Variants in SMC2 observed in about 807,000 individuals in gnomAD.
SMC2 encodes the protein structural maintenance of chromosomes 2, also known as structural maintenance of chromosomes protein 2.
Under a neutral mutation model 142.6 loss-of-function variants are expected in SMC2, and 41 were observed. The ratio of observed to expected loss-of-function variants is 0.29; its 90% CI spans 0.22 to 0.37. The LOEUF (loss-of-function observed/expected upper bound fraction) is 0.37, where lower values mean the gene tolerates loss of function less well. Ranked by LOEUF, SMC2 falls within the 10% of genes least tolerant of loss-of-function variation. The probability of loss-of-function intolerance (pLI) is 1.00; values close to 1 mark genes in which losing one functional copy is unlikely to be tolerated. For synonymous variants in SMC2, 463 were observed against 457.5 expected, an observed-to-expected ratio of 1.01 and a Z score of -0.15; for missense variants, 1,265 against 1,373.7, an observed-to-expected ratio of 0.92 and a Z score of 1.25.
At chr9:104,121,837 G>A (rs1007843430) in intron 16 of SMC2, among the ~76,000 whole-genome samples, 2 of 152,054 alleles carry the variant, frequency 1.3e-5, no homozygotes, top group Non-Finnish European at 2.9e-5. Flanking sequence ...CTGGAGTGCA[G>A]TGGCCCGATC....
In SMC2 at chr9:104,116,292, A is replaced by C. The variant is rs369894976; in HGVS notation, c.1764A>C (p.Pro588=). The C allele has an allele frequency of 1.3e-4, 214 of 1,607,960 alleles. No homozygotes were observed. Among genetic ancestry groups the C allele is most frequent in the Non-Finnish European group, 1.8e-4 (213 of 1,177,984 alleles). ...AAATTTCAGCCAGATGTATTGCACC[A>C]GAAACTCTGAGAGTTGCTCAGAATC... ...LNKISARCIA[P]ETLRVAQNLV... is the part of the protein sequence containing the mutation. Residue 588 remains proline, a synonymous_variant, in exon 14 of 25, where the codon CCA becomes CCC. Transcript: ENST00000374793.
Position 104,113,426 on chromosome 9 carries a change from A to G in SMC2, c.1365A>G (p.Lys455=). Residue 455 remains lysine (K), a synonymous_variant, in exon 11 of 25, where the codon AAA becomes AAG. Transcript: ENST00000374793. ...ATCAAGAAGCTCTAGAAGCTGTAAA[A>G]AGACTTAAAGAAAAACTTGAAGCTG... ...RKDQEALEAV[K]RLKEKLEAEM... 6.2e-7 allele frequency: 1 copy of G among 1,604,428 alleles called. No individual in the cohort carries two copies.
rs565515097 is a variant in SMC2, at chr9:104,126,763, A to C, written c.2574A>C (p.Ala858=). 4 of 1,597,900 alleles carry C rather than the reference A, an allele frequency of 2.5e-6. No individual in the cohort carries two copies. In the South Asian group the frequency reaches 4.5e-5, roughly 18 times the overall value. The change falls in exon 19 of 25, where the codon GCA becomes GCC. Residue 858 remains alanine (A), a synonymous_variant. Coordinates refer to ENST00000374793, the MANE Select transcript of SMC2 (RefSeq NM_006444.3). ...ATGAAAGTCAGATTGAAGTAATGGCAGCTGAGGTGGCTAAAAATAAGGTAG... is the reference window on the plus strand; with the variant it reads ...ATGAAAGTCAGATTGAAGTAATGGCCGCTGAGGTGGCTAAAAATAAGGTAG... The part of the protein sequence containing the change: ...KSYESQIEVM[A]AEVAKNKESV...
intron 13 of SMC2, among the ~76,000 whole-genome samples, chr9:104,115,635 T>C (rs1702072828): frequency 6.6e-6 from 1 of 152,046 alleles, no homozygotes; most frequent in Non-Finnish European, 1.5e-5. Flanking sequence ...TACATATACA[T>C]AGTGAAATGA....
Position 104,114,700 on chromosome 9 carries a change from G to A in SMC2, c.1542G>A (p.Glu514=). The A allele has an allele frequency of 6.2e-7, 1 of 1,610,292 alleles. No individual in the cohort carries two copies. Among genetic ancestry groups the A allele is most frequent in the Non-Finnish European group, 8.5e-7 (1 of 1,178,254 alleles). ...PNLRFAYKDP[E]KNWNRNCVKG... is the part of the protein sequence containing the mutation. Reference sequence around the variant, plus strand: ...AACTTTTGTATTTCAGGGATCCAGAGAAGAACTGGAATAGAAATTGTGTGA... The same window carrying A: ...AACTTTTGTATTTCAGGGATCCAGAAAAGAACTGGAATAGAAATTGTGTGA... The change falls in exon 13 of 25, where the codon GAG becomes GAA. Residue 514 remains glutamate, a synonymous_variant. Transcript: ENST00000374793.
chr9:104,107,181 A>G (rs1005557536), intron 9 of SMC2, among the ~76,000 whole-genome samples: 7 of 152,200 alleles, frequency 4.6e-5, no homozygotes, highest in Non-Finnish European at 1.0e-4. Flanking sequence ...CAATTCATTG[A>G]TAGGGTTTGT....
At chr9:104,101,182 G>T (rs545316967) in intron 7 of SMC2, among the ~76,000 whole-genome samples, 1 of 152,200 alleles carries the variant, frequency 6.6e-6, no homozygotes, top group African/African-American at 2.4e-5. Flanking sequence ...TGATCCACCT[G>T]CCTCGGCCTC....
intron 16 of SMC2, among the ~76,000 whole-genome samples, chr9:104,122,165 A>G (rs943366924): frequency 2.0e-5 from 3 of 152,188 alleles, no homozygotes; most frequent in Non-Finnish European, 4.4e-5. Context: ...AGTTAGTTAC[A>G]TTTGGCTTAG....
At chr9:104,127,184 A>G (rs973983414) in intron 19 of SMC2, 102 bp from the exon 20 acceptor site, 1 of 837,086 alleles carries the variant, frequency 1.2e-6, no homozygotes, top group African/African-American at 1.7e-5. Flanking sequence ...GCCTGTAATC[A>G]CATTGCCCTC....
chr9:104,138,314 A>G lies in SMC2; in HGVS notation c.3417+149A>G, dbSNP rs1320926329. ...TCTATTTAAATAGACTTATGTTTAA[A>G]TAGGTATAGAAGGAAAAAAGTTTCA... On this transcript the variant is annotated intron_variant, in intron 24 of 24. Coordinates refer to ENST00000374793, the MANE Select transcript of SMC2 (RefSeq NM_006444.3). The G allele has an allele frequency of 1.8e-5, 11 of 614,460 alleles. No homozygotes were observed. In the Admixed American group the frequency reaches 3.8e-4, roughly 21 times the overall value. 38.1% of individuals were successfully genotyped at this position (614,460 alleles called of 1,614,324 possible).
intron 9 of SMC2, among the ~76,000 whole-genome samples, chr9:104,107,994 A>G (rs1832006768): frequency 6.6e-6 from 1 of 152,186 alleles, no homozygotes; most frequent in Non-Finnish European, 1.5e-5. Context: ...TACGAGGGGC[A>G]TACCTCCTCA....
At chr9:104,137,736 CAT>C (rs1410261863) in intron 23 of SMC2, among the ~76,000 whole-genome samples, 1 of 152,068 alleles carries the variant, frequency 6.6e-6, no homozygotes, top group African/African-American at 2.4e-5. Context: ...TTAAAACTAA[CAT>C]GATCTTAAGA....
chr9:104,140,962 A>G lies in SMC2; in HGVS notation c.*1647A>G, dbSNP rs187917895. On this transcript the variant is annotated 3_prime_UTR_variant, in exon 25 of 25. Transcript: ENST00000374793. The stretch of plus-strand genomic sequence containing the variant: ...ACGTACTCATTTCCTTTTCTCTGCT[A>G]AAAATGTTTTGCTTGTGTGCGTTCC... 6.6e-6 allele frequency: 1 copy of G among 152,322 alleles called. No individual in the cohort carries two copies. The highest frequency in any genetic ancestry group is 6.5e-5 in the Admixed American group (1 of 15,294). The allele number at this position is 152,322 out of a possible 1,614,324, so 9.4% of individuals were successfully genotyped here.
At chr9:104,105,991 G>T (rs960429338) in intron 9 of SMC2, among the ~76,000 whole-genome samples, 9 of 152,174 alleles carry the variant, frequency 5.9e-5, no homozygotes, top group African/African-American at 2.2e-4. Flanking sequence ...CTATCATAGG[G>T]ATTGGGCTAT....
chr9:104,107,279 A>G (rs1227025719), intron 9 of SMC2, among the ~76,000 whole-genome samples: 2 of 152,338 alleles, frequency 1.3e-5, no homozygotes, highest in Middle Eastern at 3.4e-3. Context: ...CCAGTGCACA[A>G]TAGCAAGCAA....
chr9:104,123,636 T>C (rs901348926), intron 17 of SMC2, among the ~76,000 whole-genome samples: 25 of 152,320 alleles, frequency 1.6e-4, no homozygotes, highest in African/African-American at 6.0e-4. Context: ...GTGAATTTTC[T>C]GTTTATTTCT....
At chr9:104,116,373 A>G in intron 14 of SMC2, 54 bp downstream of exon 14, 1 of 1,488,756 alleles carries the variant, frequency 6.7e-7, no homozygotes, top group Non-Finnish European at 9.0e-7. Flanking sequence ...TGGTTTTTTT[A>G]AGTTAGAAGA....
At position 104,126,541 on chromosome 9, in the gene SMC2, T is replaced by G. The variant is rs6479216; in HGVS notation, c.2452-100T>G. ...CTGAGTGGTAACAAAGCTGTGGGTC[T>G]TACTTGCATGAGATTATTATTTATT... On this transcript the variant is annotated intron_variant, in intron 18 of 24. Coordinates refer to ENST00000374793, the MANE Select transcript of SMC2 (RefSeq NM_006444.3). The G allele has an allele frequency of 6.6e-4, 564 of 856,470 alleles. 1 individual carries two copies. Among genetic ancestry groups the G allele is most frequent in the Non-Finnish European group, 8.8e-4 (525 of 597,368 alleles). The allele number at this position is 856,470 out of a possible 1,614,324, so 53.1% of individuals were successfully genotyped here. A position where few individuals can be genotyped will look rare whatever the true frequency, so the allele number is the denominator to read the frequency against.
intron 16 of SMC2, among the ~76,000 whole-genome samples, chr9:104,122,450 A>G (rs1833838698): frequency 6.6e-6 from 1 of 151,516 alleles, no homozygotes; most frequent in Admixed American, 6.6e-5. Flanking sequence ...TCAAGGTAGT[A>G]TTTATATTTT....
Sources: allele counts gnomAD v4.1 joint callset (sites outside exome capture counted in the v4.1 genomes callset), GRCh38; gene constraint gnomAD v4.1.1; transcripts MANE v1.5; gene names NCBI Gene and HGNC (gene_info 2026-07-23, HGNC 2026-07-21).